Variants in NRG3 observed in about 807,000 individuals in gnomAD.
NRG3 encodes the protein neuregulin 3.
A neutral mutation model predicts 66.9 loss-of-function variants in NRG3; 31 were observed. That is an observed-to-expected ratio of 0.46 (90% confidence interval 0.35 to 0.63). NRG3 has a LOEUF of 0.63. Ranked by LOEUF, NRG3 falls within the 20% of genes least tolerant of loss-of-function variation. The pLI is 0.00. For synonymous variants in NRG3, 393 were observed against 359.4 expected (o/e 1.09, Z -1.06); for missense variants, 910 against 878.9 (o/e 1.04, Z -0.45).
intron 3 of NRG3, among the ~76,000 whole-genome samples, chr10:82,740,197 C>G (rs1288138969): frequency 6.8e-6 from 1 of 146,522 alleles, no homozygotes; most frequent in Non-Finnish European, 1.5e-5. Flanking sequence ...CCCTTCCTCC[C>G]TTCCTCTCTT....
rs145453317 is a variant in NRG3 at position 82,572,280 on chromosome 10, A to G, written c.954-166297A>G. Among the ~76,000 whole-genome samples the G allele has an allele frequency of 2.0e-3, 310 of 151,650 alleles. 1 individual carries two copies. The highest frequency in any genetic ancestry group is 6.9e-3 in the African/African-American group (284 of 41,418). ...TCCTTATTAAGCTGCTAATTCTGCT[A>G]TCAGGAAGTTCTTGGTAAGTTCTTG... On this transcript the variant is annotated intron_variant, in intron 2 of 8. Coordinates refer to ENST00000372141, the MANE Select transcript of NRG3 (RefSeq NM_001010848.4).
At chr10:82,222,509 C>T (rs541673648) in intron 1 of NRG3, among the ~76,000 whole-genome samples, 3 of 152,136 alleles carry the variant, frequency 2.0e-5, no homozygotes, top group East Asian at 1.9e-4. Flanking sequence ...CCCTGGGTTT[C>T]TGCTCTTGAG....
intron 4 of NRG3, among the ~76,000 whole-genome samples, chr10:82,868,193 G>C (rs1591779244): frequency 6.6e-6 from 1 of 152,282 alleles, no homozygotes; most frequent in East Asian, 1.9e-4. Flanking sequence ...GCTTCCTATT[G>C]TGTCTGAGGA....
At chr10:82,037,177 G>A (rs944080618) in intron 1 of NRG3, among the ~76,000 whole-genome samples, 3 of 152,126 alleles carry the variant, frequency 2.0e-5, no homozygotes, top group African/African-American at 7.2e-5. Flanking sequence ...TGGTTGAGAA[G>A]CTTCTGGATG....
intron 1 of NRG3, among the ~76,000 whole-genome samples, chr10:82,217,576 G>A (rs549155463): frequency 6.6e-6 from 1 of 152,266 alleles, no homozygotes; most frequent in East Asian, 1.9e-4. Context: ...GCTGTAAAAT[G>A]TAAAATACAA....
chr10:82,105,617 G>T (rs1026349379), intron 1 of NRG3, among the ~76,000 whole-genome samples: 3 of 152,084 alleles, frequency 2.0e-5, no homozygotes, highest in Non-Finnish European at 4.4e-5. Flanking sequence ...GCTTGTTGAT[G>T]CCCTACGTCA....
intron 2 of NRG3, among the ~76,000 whole-genome samples, chr10:82,395,719 C>T (rs1380348010): frequency 6.6e-6 from 1 of 152,226 alleles, no homozygotes; most frequent in East Asian, 1.9e-4. Context: ...TCCATCTATC[C>T]ACCCATTCAT....
chr10:82,607,182 AT>A (rs1454105673), intron 2 of NRG3, among the ~76,000 whole-genome samples: 1 of 152,218 alleles, frequency 6.6e-6, no homozygotes, highest in Non-Finnish European at 1.5e-5. Flanking sequence ...TTAGAGGAGT[AT>A]TGAAATCTTC....
chr10:82,868,297 G>A (rs912448329), intron 4 of NRG3, among the ~76,000 whole-genome samples: 1 of 152,164 alleles, frequency 6.6e-6, no homozygotes, highest in African/African-American at 2.4e-5. Context: ...TTAAAGAAAT[G>A]TAGCTACTGA....
chr10:81,972,055 A>G (rs2059953609), intron 1 of NRG3, among the ~76,000 whole-genome samples: 2 of 152,152 alleles, frequency 1.3e-5, no homozygotes, highest in African/African-American at 4.8e-5. Context: ...TCGACTGGAA[A>G]TTTCATAACC....
chr10:82,318,315 T>C (rs987915205), intron 1 of NRG3, among the ~76,000 whole-genome samples: 9 of 152,136 alleles, frequency 5.9e-5, no homozygotes. Flanking sequence ...ATTGGCTTAA[T>C]GAGTTTGGGG....
intron 1 of NRG3, among the ~76,000 whole-genome samples, chr10:82,202,974 T>G (rs1315005669): frequency 1.3e-5 from 2 of 152,160 alleles, no homozygotes; most frequent in African/African-American, 4.8e-5. Context: ...GATATACACA[T>G]AGGAGTATGT....
At chr10:82,557,245 C>T (rs1218461770) in intron 2 of NRG3, among the ~76,000 whole-genome samples, 1 of 152,152 alleles carries the variant, frequency 6.6e-6, no homozygotes, top group East Asian at 1.9e-4. Context: ...AACTAATTTA[C>T]ACTAGCATCA....
At chr10:82,497,009 G>C (rs1465489623) in intron 2 of NRG3, among the ~76,000 whole-genome samples, 1 of 152,008 alleles carries the variant, frequency 6.6e-6, no homozygotes. Context: ...AAAAGTTGCT[G>C]TCTCTCTCAG....
chr10:82,681,717 T>A lies in NRG3; in HGVS notation c.954-56860T>A, dbSNP rs78717111. On this transcript the variant is annotated intron_variant, in intron 2 of 8. Transcript: ENST00000372141. Reference sequence around the variant, plus strand: ...GTATGTTCAGAAGTGAACTGACTTATTAACTAATGTGATCTGAGTGACTGT... The same window carrying A: ...GTATGTTCAGAAGTGAACTGACTTAATAACTAATGTGATCTGAGTGACTGT... Among the ~76,000 whole-genome samples the A allele has an allele frequency of 7.6e-3, 1,161 of 152,362 alleles. 10 individuals carry two copies. Among genetic ancestry groups the A allele is most frequent in the African/African-American group, 0.027 (1,108 of 41,578 alleles).
intron 2 of NRG3, among the ~76,000 whole-genome samples, chr10:82,696,934 C>T (rs1014170233): frequency 2.6e-5 from 4 of 152,152 alleles, no homozygotes; most frequent in Non-Finnish European, 2.9e-5. Context: ...CTATGAAAAA[C>T]GTCCCTCCAT....
chr10:82,345,490 G>T (rs2135435629), intron 1 of NRG3, among the ~76,000 whole-genome samples: 1 of 151,932 alleles, frequency 6.6e-6, no homozygotes, highest in South Asian at 2.1e-4. Flanking sequence ...TTTGAAGTCA[G>T]GTAGTGTGAT....
At position 82,723,997 on chromosome 10, in the gene NRG3, T is replaced by A. The variant is rs1179385818; in HGVS notation, c.954-14580T>A. 1.2e-3 allele frequency among the ~76,000 whole-genome samples: 159 copies of A among 133,620 alleles called. 2 individuals are homozygous for A. The highest frequency in any genetic ancestry group is 4.4e-3 in the African/African-American group (149 of 34,228). 87.7% of individuals were successfully genotyped at this position (133,620 alleles called of 152,430 possible). A position where few individuals can be genotyped will look rare whatever the true frequency, so the allele number is the denominator to read the frequency against. On this transcript the variant is annotated intron_variant, in intron 2 of 8. Coordinates refer to ENST00000372141, the MANE Select transcript of NRG3 (RefSeq NM_001010848.4). ...TCCATCTCAAAAAAAAGTAAATAAA[T>A]AAAAAAAATTTAAAAAATAAAAGCA...
At chr10:81,917,894 A>G (rs73304600) in intron 1 of NRG3, among the ~76,000 whole-genome samples, 2,868 of 152,174 alleles carry the variant, frequency 0.019, 77 homozygotes, top group African/African-American at 0.063. Context: ...TTTTCAGGAG[A>G]CATGGGTGTG....
Sources: allele counts gnomAD v4.1 joint callset (sites outside exome capture counted in the v4.1 genomes callset), GRCh38; gene constraint gnomAD v4.1.1; transcripts MANE v1.5; gene names NCBI Gene and HGNC (gene_info 2026-07-23, HGNC 2026-07-21).